The following SLIT1 variants were observed in gnomAD, a reference collection of about 807,000 sequenced individuals.
SLIT1 encodes slit guidance ligand 1.
Under a neutral mutation model 186.1 loss-of-function variants are expected in SLIT1, and 66 were observed. The observed-to-expected ratio is 0.35, with a 90% confidence interval of 0.29 to 0.44. The LOEUF (loss-of-function observed/expected upper bound fraction) is 0.44. SLIT1 is among the 20% of genes least tolerant of loss of function. The pLI, the probability that SLIT1 is intolerant of heterozygous loss-of-function variation, is 1.00. For synonymous variants in SLIT1, 761 were observed against 833.8 expected, an observed-to-expected ratio of 0.91 and a Z score of 1.50; for missense variants, 1,638 against 2,037.4, an observed-to-expected ratio of 0.80 and a Z score of 3.77.
chr10:97,127,625 T>C (rs1427042584), intron 4 of SLIT1, among the ~76,000 whole-genome samples: 1 of 152,206 alleles, frequency 6.6e-6, no homozygotes, highest in East Asian at 1.9e-4. Flanking sequence ...CTCACCTCTA[T>C]GTGTGCAAGT....
At chr10:97,018,139 G>A (rs765028933) in intron 28 of SLIT1, among the ~76,000 whole-genome samples, 30 of 152,158 alleles carry the variant, frequency 2.0e-4, no homozygotes, top group Non-Finnish European at 1.8e-4. Flanking sequence ...GAGCCACCGA[G>A]CACGGCCTGA....
intron 8 of SLIT1, 22 bp from the exon 9 acceptor site, chr10:97,060,809 G>C (rs1358990794): frequency 6.4e-7 from 1 of 1,561,680 alleles, no homozygotes; most frequent in Non-Finnish European, 8.7e-7. Flanking sequence ...GGGGGGTGTG[G>C]CCTCAGGCTG....
chr10:97,166,574 A>G (rs374371234), intron 1 of SLIT1, among the ~76,000 whole-genome samples: 17 of 50,430 alleles, frequency 3.4e-4, no homozygotes, highest in Admixed American at 7.0e-4. Context: ...AGAGAGAGAA[A>G]GAAAGAAAGA....
chr10:97,026,464 C>CTAAATAAATAAA lies in SLIT1; in HGVS notation c.2582+4281_2582+4292dup, dbSNP rs10624448. On this transcript the variant is annotated intron_variant, in intron 25 of 36. Coordinates refer to ENST00000266058, the MANE Select transcript of SLIT1 (RefSeq NM_003061.3). ...GGGCGATAAGAGCGAAACTCCGTCT[C>CTAAATAAATAAA]TAAATAAATAAATAAATAAATAAAT... Among the ~76,000 whole-genome samples, 1,437 of 149,546 alleles carry CTAAATAAATAAA rather than the reference C, an allele frequency of 9.6e-3. 7 individuals carry two copies. Among genetic ancestry groups the CTAAATAAATAAA allele is most frequent in the African/African-American group, 0.019 (748 of 40,314 alleles).
chr10:97,088,381 T>A (rs1319353760), intron 4 of SLIT1, among the ~76,000 whole-genome samples: 1 of 152,186 alleles, frequency 6.6e-6, no homozygotes, highest in Non-Finnish European at 1.5e-5. Flanking sequence ...TTGAGGATAT[T>A]GGGCCTGGAA....
At chr10:97,183,385 CT>C (rs1331153248) in intron 1 of SLIT1, among the ~76,000 whole-genome samples, 3 of 152,210 alleles carry the variant, frequency 2.0e-5, no homozygotes, top group Non-Finnish European at 4.4e-5. Flanking sequence ...AATAATGGCT[CT>C]CGTTTAGCGA....
intron 24 of SLIT1, 85 bp from the exon 25 acceptor site, chr10:97,030,913 GAGGGGACA>G: frequency 8.4e-7 from 1 of 1,195,194 alleles, no homozygotes. Context: ...CCTCTGCAGA[GAGGGGACA>G]GGCCGTGCCT....
chr10:97,078,281 C>T (rs1849065662), intron 4 of SLIT1, among the ~76,000 whole-genome samples: 2 of 152,110 alleles, frequency 1.3e-5, no homozygotes, highest in South Asian at 4.2e-4. Flanking sequence ...CAACATGTGC[C>T]AGGTCCCATC....
At position 97,002,962 on chromosome 10, in the gene SLIT1, A is replaced by G; in HGVS notation, c.3896T>C (p.Phe1299Ser). 6.2e-7 allele frequency: 1 copy of G among 1,614,090 alleles called. No homozygotes were observed. Among genetic ancestry groups the G allele is most frequent in the Non-Finnish European group, 8.5e-7 (1 of 1,179,968 alleles). The change falls in exon 35 of 37, where the codon TTC (phenylalanine) becomes TCC (serine). Residue 1299 changes from phenylalanine to serine, a missense_variant. This residue lies in a region of SLIT1 where 173 missense variants were observed against 290.9 expected (regional missense o/e 0.59). Coordinates refer to ENST00000266058, the MANE Select transcript of SLIT1 (RefSeq NM_003061.3). The stretch of plus-strand genomic sequence containing the variant: ...GCCGTTGAGGATCTGCCACAGGCGG[A>G]AGGCAGCTGAGTTGACATCCACGGG... ...GMPVDVNSAA[F>S]RLWQILNGTG...
At chr10:97,056,808 C>T (rs1848841156) in intron 12 of SLIT1, among the ~76,000 whole-genome samples, 1 of 152,204 alleles carries the variant, frequency 6.6e-6, no homozygotes, top group Admixed American at 6.5e-5. Flanking sequence ...GTTCCCCAGG[C>T]AGCTGAGTTG....
intron 4 of SLIT1, among the ~76,000 whole-genome samples, chr10:97,137,890 T>C (rs1849718041): frequency 6.6e-6 from 1 of 152,246 alleles, no homozygotes; most frequent in African/African-American, 2.4e-5. Context: ...TTTAGATTGG[T>C]TCTTGCTATG....
At chr10:97,077,375 G>A (rs1849055656) in intron 4 of SLIT1, among the ~76,000 whole-genome samples, 1 of 152,098 alleles carries the variant, frequency 6.6e-6, no homozygotes, top group African/African-American at 2.4e-5. Flanking sequence ...TCCTAATCCT[G>A]GGTGCTCTCC....
At chr10:97,161,766 G>A (rs915091469) in intron 3 of SLIT1, among the ~76,000 whole-genome samples, 2 of 152,146 alleles carry the variant, frequency 1.3e-5, no homozygotes, top group Non-Finnish European at 2.9e-5. Flanking sequence ...CAACAAGAGT[G>A]AAACTCCGTC....
chr10:97,064,604 C>T (rs1359141309), intron 6 of SLIT1, among the ~76,000 whole-genome samples: 1 of 152,100 alleles, frequency 6.6e-6, no homozygotes, highest in Non-Finnish European at 1.5e-5. Flanking sequence ...TGGGTTTCAT[C>T]CTGAGCAGGT....
At chr10:97,024,019 A>G (rs1848523885) in intron 25 of SLIT1, among the ~76,000 whole-genome samples, 1 of 152,202 alleles carries the variant, frequency 6.6e-6, no homozygotes, top group African/African-American at 2.4e-5. Context: ...AAAGTGGGCC[A>G]GAGTTCTCTG....
In SLIT1 at chr10:97,163,467, G is replaced by C. The variant is rs988428580; in HGVS notation, c.270-16C>G. On this transcript the variant is annotated splice_polypyrimidine_tract_variant and intron_variant, in intron 2 of 36. Coordinates refer to ENST00000266058, the MANE Select transcript of SLIT1 (RefSeq NM_003061.3). ...CATCAGCTGCCTGGGGAAGCAAAGA[G>C]ACAAGGACAGCTACAGGGTGTGGGA... is the stretch of plus-strand genomic sequence containing the variant. The C allele has an allele frequency of 1.9e-6, 3 of 1,612,166 alleles. No individual in the cohort carries two copies. The highest frequency in any genetic ancestry group is 2.5e-6 in the Non-Finnish European group (3 of 1,178,256).
intron 5 of SLIT1, 68 bp downstream of exon 5, chr10:97,065,947 C>T: frequency 8.3e-7 from 1 of 1,206,476 alleles, no homozygotes; most frequent in South Asian, 1.3e-5. Flanking sequence ...CTCAGGGATA[C>T]CCTGAGGATG....
chr10:97,167,638 C>A (rs1850137306), intron 1 of SLIT1, among the ~76,000 whole-genome samples: 1 of 152,164 alleles, frequency 6.6e-6, no homozygotes, highest in Non-Finnish European at 1.5e-5. Flanking sequence ...CAAGACAACC[C>A]TTTTCTAAGA....
intron 27 of SLIT1, 129 bp from the exon 28 acceptor site, chr10:97,018,812 G>A (rs965686852): frequency 9.8e-5 from 65 of 660,646 alleles, no homozygotes; most frequent in South Asian, 3.6e-4. Context: ...TCATTCATTC[G>A]TCCACTTCAT....
Sources: gnomAD v4.1 joint callset for allele counts (sites outside exome capture counted in the v4.1 genomes callset) on GRCh38, gnomAD v4.1.1 for gene constraint, gnomAD v4.1.1 regional missense constraint, MANE v1.5 for transcripts, NCBI Gene and HGNC (gene_info 2026-07-23, HGNC 2026-07-21) for gene names.